The following NELL1 variants were observed in gnomAD, a reference collection of about 807,000 sequenced individuals.
NELL1 encodes the protein protein kinase C-binding protein NELL1.
In NELL1, 76 loss-of-function variants were observed where a neutral mutation model predicts 107.4. The ratio of observed to expected loss-of-function variants is 0.71; its 90% CI spans 0.59 to 0.86. The LOEUF (loss-of-function observed/expected upper bound fraction) is 0.86, where lower values mean the gene tolerates loss of function less well. Ranked by LOEUF, NELL1 falls within the 40% of genes least tolerant of loss-of-function variation. The probability of loss-of-function intolerance (pLI) is 0.00; values close to 1 mark genes in which losing one functional copy is unlikely to be tolerated. For missense variants in NELL1, 1,024 were observed against 1,005.5 expected (o/e 1.02, Z -0.25); for synonymous variants, 353 against 341.2 (o/e 1.03, Z -0.38).
At chr11:20,745,758 T>C (rs544855660) in intron 2 of NELL1, among the ~76,000 whole-genome samples, 56 of 152,278 alleles carry the variant, frequency 3.7e-4, no homozygotes, top group African/African-American at 1.3e-3. Flanking sequence ...GGGCCACATT[T>C]GAAGGGTGAT....
chr11:21,336,577 G>C (rs1850400677), intron 14 of NELL1, among the ~76,000 whole-genome samples: 1 of 150,920 alleles, frequency 6.6e-6, no homozygotes, highest in South Asian at 2.1e-4. Context: ...ACAGACAAAG[G>C]CTACACTAGA....
intron 14 of NELL1, chr11:21,283,608 C>A (rs920056860): frequency 6.4e-6 from 1 of 156,750 alleles, no homozygotes; most frequent in Middle Eastern, 3.3e-3. Flanking sequence ...CATCATCTGT[C>A]TAGCTATCTC....
chr11:20,992,462 C>T (rs1288598851), intron 12 of NELL1, among the ~76,000 whole-genome samples: 2 of 152,038 alleles, frequency 1.3e-5, no homozygotes, highest in African/African-American at 2.4e-5. Flanking sequence ...CAAACCTGCT[C>T]GTTTTGTAGA....
intron 2 of NELL1, among the ~76,000 whole-genome samples, chr11:20,699,931 A>C (rs1040570305): frequency 6.6e-6 from 1 of 152,118 alleles, no homozygotes; most frequent in Non-Finnish European, 1.5e-5. Flanking sequence ...TATCACATCC[A>C]TGCCAACACC....
chr11:20,868,851 G>A (rs1015864892), intron 4 of NELL1, among the ~76,000 whole-genome samples: 1 of 151,878 alleles, frequency 6.6e-6, no homozygotes, highest in African/African-American at 2.4e-5. Context: ...CCTCACAAAG[G>A]AAAAAAATTC....
At chr11:20,766,722 C>A (rs1010019258) in intron 2 of NELL1, among the ~76,000 whole-genome samples, 4 of 151,832 alleles carry the variant, frequency 2.6e-5, no homozygotes, top group Non-Finnish European at 4.4e-5. Context: ...GGCTTTAAAT[C>A]CTATTTCCTA....
chr11:21,247,093 G>A lies in NELL1; in HGVS notation c.1549+17639G>A, dbSNP rs184391368. Among the ~76,000 whole-genome samples the A allele has an allele frequency of 5.3e-3, 809 of 152,244 alleles. 6 individuals are homozygous for A. Among genetic ancestry groups the A allele is most frequent in the African/African-American group, 0.019 (775 of 41,544 alleles). ...ATAAAGAGTGGTACACCTATATAGG[G>A]CACTTACCATGACTGGAGCTTGCAG... On this transcript the variant is annotated intron_variant, in intron 14 of 19. Transcript: ENST00000357134.
rs561570770 is a variant in NELL1, at chr11:20,786,803, T to C, written c.335+2973T>C. 6.2e-3 allele frequency among the ~76,000 whole-genome samples: 946 copies of C among 151,764 alleles called. 5 individuals are homozygous for C. The highest frequency in any genetic ancestry group is 9.9e-3 in the Non-Finnish European group (672 of 67,896). ...GTGGGCATATCACAAGGTCAGGAGA[T>C]CGAGACCATCCTGGCTAACACGGTG... On this transcript the variant is annotated intron_variant, in intron 3 of 19. Coordinates refer to ENST00000357134, the MANE Select transcript of NELL1 (RefSeq NM_006157.5).
intron 15 of NELL1, among the ~76,000 whole-genome samples, chr11:21,397,150 G>A (rs1852000245): frequency 6.6e-6 from 1 of 151,550 alleles, no homozygotes; most frequent in Non-Finnish European, 1.5e-5. Context: ...CAGGGCTGTA[G>A]CATTTTATAA....
chr11:21,325,316 CTTCAGAGGAT>C (rs1850106026), intron 14 of NELL1, among the ~76,000 whole-genome samples: 1 of 151,998 alleles, frequency 6.6e-6, no homozygotes, highest in South Asian at 2.1e-4. Flanking sequence ...ATAAATAATG[CTTCAGAGGAT>C]TTTTTACCTT....
intron 13 of NELL1, among the ~76,000 whole-genome samples, chr11:21,196,664 AC>A (rs566897358): frequency 1.0e-3 from 159 of 151,590 alleles, no homozygotes; most frequent in African/African-American, 3.8e-3. Context: ...ACTGATCACT[AC>A]CCTTAATTAC....
chr11:20,682,977 A>G (rs1420619761), intron 2 of NELL1, among the ~76,000 whole-genome samples: 1 of 152,052 alleles, frequency 6.6e-6, no homozygotes, highest in Non-Finnish European at 1.5e-5. Context: ...CCAATAAAAT[A>G]ATTTGTGTTT....
At chr11:21,473,427 G>A (rs189612867) in intron 15 of NELL1, among the ~76,000 whole-genome samples, 1 of 152,032 alleles carries the variant, frequency 6.6e-6, no homozygotes, top group Admixed American at 6.6e-5. Context: ...CTATTGATTT[G>A]TCCACACACA....
At chr11:21,210,508 C>T (rs1426823712) in intron 13 of NELL1, among the ~76,000 whole-genome samples, 1 of 152,088 alleles carries the variant, frequency 6.6e-6, no homozygotes, top group African/African-American at 2.4e-5. Flanking sequence ...TCATGTGCCT[C>T]TTAGCCATTT....
chr11:20,905,442 G>A (rs975222065), intron 5 of NELL1, among the ~76,000 whole-genome samples: 3 of 152,138 alleles, frequency 2.0e-5, no homozygotes, highest in Non-Finnish European at 4.4e-5. Context: ...AACTATTCCT[G>A]AGGAAGCACA....
intron 2 of NELL1, among the ~76,000 whole-genome samples, chr11:20,703,042 T>G (rs948010931): frequency 2.6e-5 from 4 of 152,122 alleles, no homozygotes; most frequent in Non-Finnish European, 5.9e-5. Context: ...GGATTCCCTC[T>G]TTTTTCTATT....
intron 17 of NELL1, among the ~76,000 whole-genome samples, chr11:21,564,110 T>C (rs1326143239): frequency 6.6e-6 from 1 of 151,812 alleles, no homozygotes. Context: ...GGGCAGCAAA[T>C]GATCGTAAGA....
At chr11:21,380,683 T>C (rs552493109) in intron 15 of NELL1, among the ~76,000 whole-genome samples, 2 of 152,152 alleles carry the variant, frequency 1.3e-5, no homozygotes, top group Non-Finnish European at 1.5e-5. Context: ...CCTGCAAGGA[T>C]TTTCATCTTT....
chr11:21,199,809 C>G (rs1022819772), intron 13 of NELL1, among the ~76,000 whole-genome samples: 9 of 151,628 alleles, frequency 5.9e-5, no homozygotes, highest in Non-Finnish European at 1.0e-4. Context: ...CCCCCACCCC[C>G]CAATAGGCCC....
Sources: gnomAD v4.1 joint callset for allele counts (sites outside exome capture counted in the v4.1 genomes callset) on GRCh38, gnomAD v4.1.1 for gene constraint, MANE v1.5 for transcripts, NCBI Gene and HGNC (gene_info 2026-07-23, HGNC 2026-07-21) for gene names.